The following C2CD2 variants were observed in gnomAD, a reference collection of about 807,000 sequenced individuals.
C2CD2 encodes the protein C2 domain-containing protein 2.
In C2CD2, 43 loss-of-function variants were observed where a neutral mutation model predicts 74.3. That is an observed-to-expected ratio of 0.58 (90% confidence interval 0.45 to 0.75). C2CD2 has a LOEUF of 0.75. C2CD2 is among the 30% of genes least tolerant of loss of function. C2CD2 has a pLI of 0.00. For synonymous variants in C2CD2, 422 were observed against 390.7 expected, an observed-to-expected ratio of 1.08 and a Z score of -0.94; for missense variants, 801 against 916.3, an observed-to-expected ratio of 0.87 and a Z score of 1.63.
At chr21:41,943,031 T>A in intron 1 of C2CD2, 1 of 712,572 alleles carries the variant, frequency 1.4e-6, no homozygotes, top group Non-Finnish European at 1.7e-6. Context: ...CCAGGCATGG[T>A]GGCTCACACC....
chr21:41,933,471 A>G (rs567394520), intron 2 of C2CD2, among the ~76,000 whole-genome samples: 1 of 152,300 alleles, frequency 6.6e-6, no homozygotes, highest in Non-Finnish European at 1.5e-5. Context: ...CTGTCTTATC[A>G]TTTTTATTTA....
rs74623477 is a variant in C2CD2, at chr21:41,909,471, G to T, written c.1006C>A (p.Arg336=). The T allele has an allele frequency of 1.1e-3, 1,695 of 1,612,904 alleles. 17 individuals carry two copies. In the African/African-American group the frequency reaches 0.02, roughly 19 times the overall value. Residue 336 remains arginine, a synonymous_variant, in exon 8 of 14, where the codon CGA becomes AGA. Coordinates refer to ENST00000380486, the MANE Select transcript of C2CD2 (RefSeq NM_015500.2). ...CTGCTCAACCCACCTTCTGAGGATC[G>T]CCCAGCCTCTGAAATCTGCAGGTGT... ...ELHLQISEAG[R]SSEGLLATAT... is the part of the protein sequence containing the mutation.
chr21:41,933,073 C>T (rs1274293224), intron 2 of C2CD2, among the ~76,000 whole-genome samples: 2 of 150,270 alleles, frequency 1.3e-5, no homozygotes, highest in Non-Finnish European at 3.0e-5. Flanking sequence ...TGGGTTCCGG[C>T]GGCCTTGTCC....
At chr21:41,890,988 C>A (rs371981804) in intron 13 of C2CD2, among the ~76,000 whole-genome samples, 4 of 152,124 alleles carry the variant, frequency 2.6e-5, no homozygotes, top group Non-Finnish European at 5.9e-5. Flanking sequence ...TTGATCAAAG[C>A]GGCCATAATT....
At chr21:41,922,221 C>T (rs924105251) in intron 2 of C2CD2, 136 bp from the exon 3 acceptor site, 35 of 599,770 alleles carry the variant, frequency 5.8e-5, no homozygotes, top group Middle Eastern at 8.9e-4. Context: ...TGCAGTGGCG[C>T]GATCTCAGCT....
chr21:41,916,858 G>A (rs567841274), intron 5 of C2CD2, among the ~76,000 whole-genome samples: 2 of 152,158 alleles, frequency 1.3e-5, no homozygotes, highest in African/African-American at 2.4e-5. Flanking sequence ...AAAAATATAC[G>A]ACTGTTTTAT....
intron 1 of C2CD2, among the ~76,000 whole-genome samples, chr21:41,944,637 T>C (rs922130493): frequency 3.2e-4 from 49 of 152,164 alleles, no homozygotes; most frequent in African/African-American, 1.1e-3. Context: ...TTTTCTGATC[T>C]GCCTAGTCCT....
At chr21:41,905,069 C>T (rs1027348588) in intron 11 of C2CD2, among the ~76,000 whole-genome samples, 5 of 152,022 alleles carry the variant, frequency 3.3e-5, no homozygotes, top group African/African-American at 1.2e-4. Context: ...ATTAAAGTGA[C>T]GGTGAGGACG....
chr21:41,917,762 C>T (rs1236941265), intron 5 of C2CD2, among the ~76,000 whole-genome samples: 2 of 152,212 alleles, frequency 1.3e-5, no homozygotes, highest in African/African-American at 4.8e-5. Flanking sequence ...GCTAAACCAT[C>T]TCTGTCTATC....
At position 41,923,416 on chromosome 21, in the gene C2CD2, A is replaced by G. The variant is rs965966601; in HGVS notation, c.379-1331T>C. Among the ~76,000 whole-genome samples the G allele has an allele frequency of 4.6e-5, 7 of 152,252 alleles. No homozygotes were observed. Among genetic ancestry groups the G allele is most frequent in the African/African-American group, 1.7e-4 (7 of 41,464 alleles). On this transcript the variant is annotated intron_variant, in intron 2 of 13. Transcript: ENST00000380486. The surrounding 1 kb of genome is among the most constrained non-coding windows in gnomAD (Gnocchi z 5.8). ...CATTAGCCAAGTTCTTTTGCTAAAA[A>G]TGAGTCTTAAAGAGAAAGTAAGTTA... is the stretch of plus-strand genomic sequence containing the variant.
At chr21:41,942,118 T>C in intron 2 of C2CD2, 29 bp downstream of exon 2, 1 of 1,548,066 alleles carries the variant, frequency 6.5e-7, no homozygotes, top group Non-Finnish European at 8.7e-7. Flanking sequence ...GTTCACCTCT[T>C]CCTGCAGGGA....
chr21:41,919,166 ATG>A (rs1184496837), intron 3 of C2CD2: 2 of 588,910 alleles, frequency 3.4e-6, no homozygotes, highest in Non-Finnish European at 6.1e-6. Flanking sequence ...ATGTATGAGC[ATG>A]TGTGTGCATG....
chr21:41,914,978 C>T (rs2065072152), intron 5 of C2CD2, among the ~76,000 whole-genome samples: 1 of 152,218 alleles, frequency 6.6e-6, no homozygotes, highest in Non-Finnish European at 1.5e-5. Context: ...AGTAGCAGTG[C>T]ATTCATCCAC....
chr21:41,950,688 A>G (rs886752063), intron 1 of C2CD2, among the ~76,000 whole-genome samples: 2 of 152,204 alleles, frequency 1.3e-5, no homozygotes, highest in African/African-American at 4.8e-5. Context: ...AGACCTTGGC[A>G]AATTCCTCCA....
In C2CD2 at chr21:41,903,087, G is replaced by A. The variant is rs952901988; in HGVS notation, c.1433-1338C>T. 2.6e-5 allele frequency among the ~76,000 whole-genome samples: 4 copies of A among 152,118 alleles called. No homozygotes were observed. The highest frequency in any genetic ancestry group is 1.9e-4 in the East Asian group (1 of 5,198). On this transcript the variant is annotated intron_variant, in intron 11 of 13. Transcript: ENST00000380486. This position sits in a 1 kb window ranked among gnomAD's most constrained non-coding sequence, Gnocchi z 4.5. ...CCCTAAATGACAGGGCTCAGGGAGC[G>A]TCCAGGTTGTGAACCAACGCATGCA...
At chr21:41,943,304 A>AT (rs960006494) in intron 1 of C2CD2, among the ~76,000 whole-genome samples, 1 of 152,170 alleles carries the variant, frequency 6.6e-6, no homozygotes, top group Non-Finnish European at 1.5e-5. Flanking sequence ...AAGAAAAAAA[A>AT]AATTCTCCAA....
In C2CD2 at chr21:41,924,502, C is replaced by T. The variant is rs2065188386; in HGVS notation, c.379-2417G>A. ...ACATATTTCCATCATCTCCAGAGTTCACAAAGGGCCAGAACAAAAAAATGT... is the reference window on the plus strand; with the variant it reads ...ACATATTTCCATCATCTCCAGAGTTTACAAAGGGCCAGAACAAAAAAATGT... On this transcript the variant is annotated intron_variant, in intron 2 of 13. Transcript: ENST00000380486. This position sits in a 1 kb window ranked among gnomAD's most constrained non-coding sequence, Gnocchi z 4.4. Among the ~76,000 whole-genome samples, 2 of 152,146 alleles carry T rather than the reference C, an allele frequency of 1.3e-5. No individual in the cohort carries two copies. The highest frequency in any genetic ancestry group is 6.5e-5 in the Admixed American group (1 of 15,274).
At chr21:41,942,537 T>G (rs1277606667) in intron 1 of C2CD2, among the ~76,000 whole-genome samples, 1 of 152,242 alleles carries the variant, frequency 6.6e-6, no homozygotes, top group Non-Finnish European at 1.5e-5. Context: ...GAAGGGTGTT[T>G]TGAATCTTCC....
chr21:41,897,290 CG>C (rs2064835078), intron 13 of C2CD2, among the ~76,000 whole-genome samples: 1 of 152,086 alleles, frequency 6.6e-6, no homozygotes, highest in Non-Finnish European at 1.5e-5. Context: ...GGAGGGCGGA[CG>C]GGGGGTTGGG....
Sources: gnomAD v4.1 joint callset for allele counts (sites outside exome capture counted in the v4.1 genomes callset) on GRCh38, gnomAD v4.1.1 for gene constraint, Gnocchi (gnomAD v3.1) non-coding constraint, MANE v1.5 for transcripts, NCBI Gene and HGNC (gene_info 2026-07-23, HGNC 2026-07-21) for gene names.